CACNB2: variants seen among roughly 807,000 people sequenced by gnomAD.
The protein encoded by CACNB2 is voltage-dependent L-type calcium channel subunit beta-2.
CACNB2 carries 42 observed loss-of-function variants against 73.3 expected under a neutral mutation model. The ratio of observed to expected loss-of-function variants is 0.57; its 90% CI spans 0.45 to 0.74. The LOEUF (loss-of-function observed/expected upper bound fraction) is 0.74. Among genes scored for constraint, CACNB2 ranks in the 30% least tolerant of loss-of-function variants. The probability of loss-of-function intolerance (pLI) is 0.00; values close to 1 mark genes in which losing one functional copy is unlikely to be tolerated. For synonymous variants in CACNB2, 348 were observed against 310.3 expected (o/e 1.12, Z -1.28); for missense variants, 940 against 853.0 (o/e 1.10, Z -1.27).
chr10:18,180,452 T>C (rs993613531), intron 2 of CACNB2, among the ~76,000 whole-genome samples: 2 of 100,938 alleles, frequency 2.0e-5, no homozygotes, highest in Admixed American at 1.8e-4. Context: ...TAAGGCTGCC[T>C]TTTTTTTTTT....
At chr10:18,363,055 C>G (rs758578510) in intron 2 of CACNB2, among the ~76,000 whole-genome samples, 1 of 152,180 alleles carries the variant, frequency 6.6e-6, no homozygotes, top group Admixed American at 6.5e-5. Flanking sequence ...AGTTTATCCA[C>G]CTGTCTCTCC....
chr10:18,542,238 T>C lies in CACNB2; in HGVS notation c.*2514T>C, dbSNP rs564617490. 4 of 152,284 alleles carry C rather than the reference T, an allele frequency of 2.6e-5. No homozygotes were observed. Among genetic ancestry groups the C allele is most frequent in the Admixed American group, 2.6e-4 (4 of 15,288 alleles). The allele number at this position is 152,284 out of a possible 1,614,324, so 9.4% of individuals were successfully genotyped here. A position where few individuals can be genotyped will look rare whatever the true frequency, so the allele number is the denominator to read the frequency against. On this transcript the variant is annotated 3_prime_UTR_variant, in exon 14 of 14. Transcript: ENST00000324631. ...ATATATAATGTTTTATCAGCTTATATATGAAAAAATTTCCCTCAGTTCGTT... is the reference window on the plus strand; with the variant it reads ...ATATATAATGTTTTATCAGCTTATACATGAAAAAATTTCCCTCAGTTCGTT...
chr10:18,492,456 A>G (rs2049495402), intron 3 of CACNB2, among the ~76,000 whole-genome samples: 2 of 152,138 alleles, frequency 1.3e-5, no homozygotes, highest in South Asian at 4.1e-4. Context: ...CCCCGTCTCT[A>G]CTAAAAATAC....
chr10:18,200,269 A>G (rs1229584294), intron 2 of CACNB2, among the ~76,000 whole-genome samples: 1 of 150,048 alleles, frequency 6.7e-6, no homozygotes, highest in Non-Finnish European at 1.5e-5. Flanking sequence ...ACTCAAAAAA[A>G]AAGTTTTTTT....
At chr10:18,417,471 C>T (rs749352407) in intron 3 of CACNB2, among the ~76,000 whole-genome samples, 18 of 146,160 alleles carry the variant, frequency 1.2e-4, no homozygotes, top group African/African-American at 2.0e-4. Flanking sequence ...CGGGTTCAAG[C>T]GATTCTCCTG....
intron 2 of CACNB2, among the ~76,000 whole-genome samples, chr10:18,369,957 A>AT (rs2042509526): frequency 6.6e-6 from 1 of 152,238 alleles, no homozygotes; most frequent in Non-Finnish European, 1.5e-5. Flanking sequence ...TGTTCAGAAA[A>AT]TAATAAGTGA....
rs137955967 is a variant in CACNB2, at chr10:18,467,696, T to C, written c.334-30659T>C. On this transcript the variant is annotated intron_variant, in intron 3 of 13. Transcript: ENST00000324631. ...GGAACCTGGGAGCCCAATTTATTTG[T>C]CCCCTCAACCCAACTCAAATGGGTC... Among the ~76,000 whole-genome samples, 550 of 152,322 alleles carry C rather than the reference T, an allele frequency of 3.6e-3. 4 individuals are homozygous for C. The highest frequency in any genetic ancestry group is 0.013 in the African/African-American group (520 of 41,562).
intron 2 of CACNB2, among the ~76,000 whole-genome samples, chr10:18,275,445 G>C (rs2038240858): frequency 6.6e-6 from 1 of 152,154 alleles, no homozygotes; most frequent in Non-Finnish European, 1.5e-5. Flanking sequence ...TGATGGAAGA[G>C]TATGCACAGA....
At chr10:18,224,797 G>A (rs7914060) in intron 2 of CACNB2, among the ~76,000 whole-genome samples, 2 of 152,120 alleles carry the variant, frequency 1.3e-5, no homozygotes, top group African/African-American at 2.4e-5. Context: ...GAGCCAAATC[G>A]AAGTCATGCC....
intron 3 of CACNB2, among the ~76,000 whole-genome samples, chr10:18,464,722 T>C (rs1433978359): frequency 6.6e-6 from 1 of 152,242 alleles, no homozygotes; most frequent in African/African-American, 2.4e-5. Context: ...ACTCTGCTTC[T>C]GCTCTTATTC....
chr10:18,468,797 G>T (rs2048031673), intron 3 of CACNB2, among the ~76,000 whole-genome samples: 1 of 151,936 alleles, frequency 6.6e-6, no homozygotes, highest in Non-Finnish European at 1.5e-5. Flanking sequence ...TGGGGTTTCT[G>T]CATGTTGGTC....
At chr10:18,340,746 G>C (rs946349042) in intron 2 of CACNB2, 12 of 1,496,668 alleles carry the variant, frequency 8.0e-6, no homozygotes, top group African/African-American at 2.8e-5. Context: ...GTTGTGATCC[G>C]ACGAACTTTA....
At chr10:18,220,140 TATATATATATATATACAC>T (rs1564353311) in intron 2 of CACNB2, among the ~76,000 whole-genome samples, 1 of 37,590 alleles carries the variant, frequency 2.7e-5, no homozygotes, top group African/African-American at 3.6e-4. Context: ...TATATATATA[TATATATATATATATACAC>T]ACACACACAC....
Position 18,334,609 on chromosome 10 carries a change from G to A in CACNB2, c.214-67315G>A, listed in dbSNP as rs1487867291. Among the ~76,000 whole-genome samples, 5 of 152,108 alleles carry A rather than the reference G, an allele frequency of 3.3e-5. 1 individual carries two copies. The highest frequency in any genetic ancestry group is 3.3e-4 in the Admixed American group (5 of 15,256). ...CATATTGTGCAGGATTGTTCTTTGT[G>A]ATGAGAAGCTCCCCTGTGCATTGTA... On this transcript the variant is annotated intron_variant, in intron 2 of 13. Transcript: ENST00000324631.
chr10:18,488,040 C>A (rs1005036198), intron 3 of CACNB2, among the ~76,000 whole-genome samples: 2 of 151,320 alleles, frequency 1.3e-5, no homozygotes, highest in African/African-American at 4.8e-5. Context: ...AACTCCTGAC[C>A]TCAGGTGGTC....
At chr10:18,154,615 G>A (rs573215109) in intron 2 of CACNB2, among the ~76,000 whole-genome samples, 1 of 152,232 alleles carries the variant, frequency 6.6e-6, no homozygotes, top group South Asian at 2.1e-4. Flanking sequence ...TTACAGGTGT[G>A]CACCACCATG....
chr10:18,474,347 C>G (rs2048333001), intron 3 of CACNB2, among the ~76,000 whole-genome samples: 2 of 152,148 alleles, frequency 1.3e-5, no homozygotes, highest in African/African-American at 4.8e-5. Flanking sequence ...CAAGACCTGT[C>G]TCTGTGACAG....
intron 3 of CACNB2, among the ~76,000 whole-genome samples, chr10:18,489,300 G>T (rs2049267703): frequency 6.8e-6 from 1 of 146,372 alleles, no homozygotes; most frequent in African/African-American, 2.5e-5. Flanking sequence ...TGAGGCAGGA[G>T]AATTGCTTGA....
intron 2 of CACNB2, among the ~76,000 whole-genome samples, chr10:18,243,801 C>A (rs1431926959): frequency 6.6e-6 from 1 of 152,198 alleles, no homozygotes; most frequent in Non-Finnish European, 1.5e-5. Flanking sequence ...CCAGATACAG[C>A]TGCCCAATTT....
Sources: gnomAD v4.1 joint callset for allele counts (sites outside exome capture counted in the v4.1 genomes callset) on GRCh38, gnomAD v4.1.1 for gene constraint, MANE v1.5 for transcripts, NCBI Gene and HGNC (gene_info 2026-07-23, HGNC 2026-07-21) for gene names.